The following CNBD1 variants were observed in gnomAD, a reference collection of about 807,000 sequenced individuals.
CNBD1 encodes cyclic nucleotide binding domain containing 1.
In CNBD1, 71 loss-of-function variants were observed where a neutral mutation model predicts 54.4. That is an observed-to-expected ratio of 1.30 (90% CI 1.08 to 1.59). The LOEUF is 1.59. CNBD1 is among the 40% of genes most tolerant of loss of function. The pLI is 0.00. For missense variants in CNBD1, 659 were observed against 518.0 expected (o/e 1.27, Z -2.64); for synonymous variants, 182 against 170.7 (o/e 1.07, Z -0.51).
intron 4 of CNBD1, among the ~76,000 whole-genome samples, chr8:87,048,094 GAGT>G (rs1810236609): frequency 6.6e-6 from 1 of 152,120 alleles, no homozygotes; most frequent in Non-Finnish European, 1.5e-5. Flanking sequence ...ACCTTTGAGA[GAGT>G]AGAGAGGAGG....
chr8:87,233,358 A>G (rs779458698), intron 5 of CNBD1, among the ~76,000 whole-genome samples: 1 of 152,178 alleles, frequency 6.6e-6, no homozygotes, highest in African/African-American at 2.4e-5. Flanking sequence ...AACAAAATGA[A>G]TATCACGATA....
chr8:87,236,823 C>T (rs888786374), intron 5 of CNBD1, 96 bp from the exon 6 acceptor site: 9 of 632,588 alleles, frequency 1.4e-5, no homozygotes, highest in Admixed American at 3.0e-5. Context: ...GAAAGAAATA[C>T]GTTGAAAGTA....
intron 8 of CNBD1, among the ~76,000 whole-genome samples, chr8:87,317,094 TG>T (rs780456807): frequency 8.6e-5 from 13 of 151,792 alleles, no homozygotes; most frequent in Admixed American, 6.6e-5. Context: ...AATTTTTTTG[TG>T]GGGGTGAACT....
At chr8:87,208,345 T>C (rs1329749824) in intron 5 of CNBD1, among the ~76,000 whole-genome samples, 1 of 152,116 alleles carries the variant, frequency 6.6e-6, no homozygotes, top group African/African-American at 2.4e-5. Flanking sequence ...AAACACATTA[T>C]GTGTGTCTAA....
In CNBD1 at chr8:86,866,551, A is replaced by G. The variant is rs766913286; in HGVS notation, c.56A>G (p.Asn19Ser). The G allele has an allele frequency of 2.5e-6, 4 of 1,611,652 alleles. No individual in the cohort carries two copies. The highest frequency in any genetic ancestry group is 3.4e-6 in the Non-Finnish European group (4 of 1,179,008). ...TTGTCTCACATGACAGCTATTAACAATGTGCCTCCTCCTCCACTTCACAGT... is the reference window on the plus strand; with the variant it reads ...TTGTCTCACATGACAGCTATTAACAGTGTGCCTCCTCCTCCACTTCACAGT... ...AILSHMTAIN[N>S]VPPPPLHSIP... The change falls in exon 1 of 11, where the codon AAT becomes AGT. Residue 19 changes from asparagine to serine, a missense_variant. Transcript: ENST00000518476.
chr8:86,950,937 TTC>T (rs1324454595), intron 4 of CNBD1, among the ~76,000 whole-genome samples: 1 of 152,086 alleles, frequency 6.6e-6, no homozygotes, highest in Non-Finnish European at 1.5e-5. Context: ...TGTTCATTTA[TTC>T]TGTGTTCATT....
rs1008105114 is a variant in CNBD1, at chr8:87,163,742, A to C, written c.432-42251A>C. ...CTTTAGGGTTTTTTTTAAATATAAG[A>C]TTATGTCATCTGCAAAAAGATAATT... On this transcript the variant is annotated intron_variant, in intron 4 of 10. Coordinates refer to ENST00000518476, the MANE Select transcript of CNBD1 (RefSeq NM_173538.3). The surrounding 1 kb of genome is among the most constrained non-coding windows in gnomAD (Gnocchi z 4.5). Among the ~76,000 whole-genome samples the C allele has an allele frequency of 1.3e-5, 2 of 151,648 alleles. No homozygotes were observed. Among genetic ancestry groups the C allele is most frequent in the African/African-American group, 4.8e-5 (2 of 41,352 alleles).
At chr8:87,395,293 A>C (rs1030390036) in intron 2 of CNBD1, among the ~76,000 whole-genome samples, 2 of 151,884 alleles carry the variant, frequency 1.3e-5, no homozygotes, top group Non-Finnish European at 2.9e-5. Flanking sequence ...TGATATTGGC[A>C]TAGTATATAT....
chr8:86,940,204 C>T (rs1304665157), intron 4 of CNBD1, among the ~76,000 whole-genome samples: 1 of 127,672 alleles, frequency 7.8e-6, no homozygotes, highest in Non-Finnish European at 1.6e-5. Flanking sequence ...AGTTTCGGCT[C>T]ACTGCAACCT....
At chr8:87,084,838 G>A (rs2130670363) in intron 4 of CNBD1, among the ~76,000 whole-genome samples, 1 of 152,088 alleles carries the variant, frequency 6.6e-6, no homozygotes, top group South Asian at 2.1e-4. Flanking sequence ...ACCATGCCCA[G>A]CTAATTTTGT....
intron 4 of CNBD1, among the ~76,000 whole-genome samples, chr8:87,009,095 A>AT (rs1425342161): frequency 2.0e-5 from 3 of 151,716 alleles, no homozygotes; most frequent in East Asian, 1.9e-4. Flanking sequence ...CGAGCTACAT[A>AT]TTTTTTTATT....
intron 4 of CNBD1, among the ~76,000 whole-genome samples, chr8:87,000,643 A>G (rs1808972416): frequency 6.6e-6 from 1 of 152,198 alleles, no homozygotes; most frequent in Non-Finnish European, 1.5e-5. Context: ...GTTAGATATT[A>G]TGCCTGGGAA....
At chr8:86,957,531 T>G (rs1807810304) in intron 4 of CNBD1, among the ~76,000 whole-genome samples, 1 of 152,208 alleles carries the variant, frequency 6.6e-6, no homozygotes, top group Non-Finnish European at 1.5e-5. Flanking sequence ...TATTCAGGGA[T>G]TCAACTTCTT....
intron 4 of CNBD1, among the ~76,000 whole-genome samples, chr8:87,010,218 C>T (rs976600425): frequency 6.6e-6 from 1 of 152,114 alleles, no homozygotes; most frequent in South Asian, 2.1e-4. Flanking sequence ...TTTTTCCCCC[C>T]ACTTCCCTTG....
chr8:86,995,829 T>C (rs1400118988), intron 4 of CNBD1, among the ~76,000 whole-genome samples: 1 of 152,152 alleles, frequency 6.6e-6, no homozygotes, highest in Non-Finnish European at 1.5e-5. Flanking sequence ...GGCAGATTCC[T>C]AAAATATTTC....
At chr8:87,350,749 G>A (rs1043598609) in intron 8 of CNBD1, among the ~76,000 whole-genome samples, 4 of 151,904 alleles carry the variant, frequency 2.6e-5, no homozygotes, top group African/African-American at 9.7e-5. Flanking sequence ...AAAGTTTTCA[G>A]AATTAAATAT....
At chr8:87,388,639 C>T (rs992104535) in intron 2 of CNBD1, among the ~76,000 whole-genome samples, 2 of 152,116 alleles carry the variant, frequency 1.3e-5, no homozygotes, top group African/African-American at 4.8e-5. Flanking sequence ...AGTCCAGGGC[C>T]AGATGAATTC....
chr8:86,968,348 G>T (rs746963802), intron 4 of CNBD1, among the ~76,000 whole-genome samples: 9 of 152,040 alleles, frequency 5.9e-5, no homozygotes, highest in Non-Finnish European at 1.3e-4. Context: ...AATGTGAATT[G>T]CCCCCACCCT....
intron 4 of CNBD1, among the ~76,000 whole-genome samples, chr8:87,073,344 C>A (rs532188891): frequency 3.2e-4 from 48 of 152,132 alleles, no homozygotes; most frequent in Admixed American, 1.6e-3. Context: ...TGTGCCCTTG[C>A]CGGAGAGGTA....
Sources: allele counts gnomAD v4.1 joint callset (sites outside exome capture counted in the v4.1 genomes callset), GRCh38; gene constraint gnomAD v4.1.1; non-coding constraint Gnocchi (gnomAD v3.1); transcripts MANE v1.5; gene names NCBI Gene and HGNC (gene_info 2026-07-23, HGNC 2026-07-21).